Variants in THADA observed in about 807,000 individuals in gnomAD.
THADA encodes THADA armadillo repeat containing, also known as tRNA (32-2'-O)-methyltransferase regulator THADA.
A neutral mutation model predicts 219.8 loss-of-function variants in THADA; 213 were observed. That is an observed-to-expected ratio of 0.97 (90% CI 0.87 to 1.09). THADA has a LOEUF of 1.09. Ranked by LOEUF, THADA falls within the 50% of genes least tolerant of loss-of-function variation. THADA has a pLI of 0.00. For missense variants in THADA, 2,956 were observed against 2,311.3 expected, an observed-to-expected ratio of 1.28 and a Z score of -5.72; for synonymous variants, 1,018 against 828.9, an observed-to-expected ratio of 1.23 and a Z score of -3.92.
intron 36 of THADA, among the ~76,000 whole-genome samples, chr2:43,278,927 CA>C (rs930564806): frequency 2.0e-5 from 3 of 152,222 alleles, no homozygotes; most frequent in Non-Finnish European, 4.4e-5. Flanking sequence ...TGCCTCAAAA[CA>C]GTGTTCTTGC....
chr2:43,274,562 C>T (rs1052200319), intron 36 of THADA, among the ~76,000 whole-genome samples: 7 of 152,100 alleles, frequency 4.6e-5, no homozygotes, highest in African/African-American at 1.7e-4. Context: ...ATAGCAAAGG[C>T]TCTGTGATGA....
intron 15 of THADA, chr2:43,565,270 T>C (rs1055468165): frequency 2.0e-5 from 3 of 151,998 alleles, no homozygotes; most frequent in African/African-American, 7.3e-5. Context: ...AAACCCCGTC[T>C]CTACTAAAAA....
Position 43,485,311 on chromosome 2 carries a change from G to A in THADA, c.3759C>T (p.Ser1253=), listed in dbSNP as rs776203996. 6.1e-5 allele frequency: 98 copies of A among 1,612,554 alleles called. No individual in the cohort carries two copies. Among genetic ancestry groups the A allele is most frequent in the Middle Eastern group, 4.9e-4 (3 of 6,074 alleles). ...TSPVWAVRNS[S]TLLFSALITR... ...TGATCAAGGCACTAAAGAGAAGTGT[G>A]GATGAATTTCGCACCTAATGTACAA... Residue 1253 remains serine (S), a synonymous_variant, in exon 26 of 38, where the codon TCC becomes TCT. Transcript: ENST00000405975.
intron 22 of THADA, among the ~76,000 whole-genome samples, chr2:43,512,973 C>G (rs547577550): frequency 2.0e-4 from 30 of 152,306 alleles, no homozygotes; most frequent in African/African-American, 6.0e-4. Context: ...TCCCAACTAA[C>G]AGATGAGAGG....
chr2:43,524,580 T>C (rs534469849), intron 22 of THADA, among the ~76,000 whole-genome samples: 12 of 152,078 alleles, frequency 7.9e-5, no homozygotes, highest in African/African-American at 7.2e-5. Flanking sequence ...TAAAACGCTC[T>C]CAAAAGGGCT....
At chr2:43,478,409 T>C (rs1177551237) in intron 26 of THADA, among the ~76,000 whole-genome samples, 9 of 152,156 alleles carry the variant, frequency 5.9e-5, no homozygotes, top group Admixed American at 3.9e-4. Context: ...GCTCTACAGG[T>C]ATTGAAGGGG....
chr2:43,582,569 CTT>C (rs755116429), intron 7 of THADA, among the ~76,000 whole-genome samples: 5 of 119,348 alleles, frequency 4.2e-5, no homozygotes, highest in Admixed American at 1.7e-4. Context: ...CCCTCCCTGG[CTT>C]TTTTTTTTTT....
At chr2:43,539,942 G>A (rs796252336) in intron 21 of THADA, among the ~76,000 whole-genome samples, 38 of 152,180 alleles carry the variant, frequency 2.5e-4, no homozygotes, top group African/African-American at 8.7e-4. Context: ...AAGCTTTCAC[G>A]TCTTAGTTAC....
At position 43,256,628 on chromosome 2, in the gene THADA, A is replaced by G. The variant is rs1404556946; in HGVS notation, c.5296+23137T>C. ...AAATAAATAATTTTTTTTTTTTGGT[A>G]GAGACAGAGTATGTTATGTTGCCCA... On this transcript the variant is annotated intron_variant, in intron 36 of 37. Coordinates refer to ENST00000405975, the MANE Select transcript of THADA (RefSeq NM_022065.5). Among the ~76,000 whole-genome samples, 4 of 149,278 alleles carry G rather than the reference A, an allele frequency of 2.7e-5. No homozygotes were observed. In the East Asian group the frequency reaches 7.8e-4, roughly 29 times the overall value.
In THADA at chr2:43,552,321, T is replaced by C; in HGVS notation, c.2693A>G (p.Glu898Gly). Residue 898 changes from glutamate (E) to glycine (G), a missense_variant, in exon 18 of 38, where the codon GAA (glutamate) becomes GGA (glycine). By Grantham distance (98) the Glu-to-Gly change is moderately conservative (BLOSUM62 -2). Coordinates refer to ENST00000405975, the MANE Select transcript of THADA (RefSeq NM_022065.5). ...NTLMVIKCLMENLEEEVSQAE... is the reference protein window; with the variant it reads ...NTLMVIKCLMGNLEEEVSQAE... ...CTGAGATACTTCTTCCTCAAGATTT[T>C]CCATCAAGCATTTGATAACTAGAAA... 1.3e-6 allele frequency: 2 copies of C among 1,593,186 alleles called. No homozygotes were observed. Among genetic ancestry groups the C allele is most frequent in the Non-Finnish European group, 1.7e-6 (2 of 1,174,404 alleles).
rs1316470824 is a variant in THADA, at chr2:43,231,254, GA to G, written c.5555del (p.Phe1852SerfsTer45). 2 of 1,612,700 alleles carry G rather than the reference GA, an allele frequency of 1.2e-6. No individual in the cohort carries two copies. Among genetic ancestry groups the G allele is most frequent in the African/African-American group, 2.7e-5 (2 of 74,844 alleles). On this transcript the variant is annotated frameshift_variant, in exon 38 of 38. Transcript: ENST00000405975. LOFTEE classifies it low-confidence loss of function (END_TRUNC). The stretch of plus-strand genomic sequence containing the variant: ...GCCAGCCGGACTTTGAGAGGAGACA[GA>G]AGAGGTGCTTGCAGAGGTATTTCAC... ...IFVKYLCKHL[F>X]CLLSKSGWRP...
intron 31 of THADA, among the ~76,000 whole-genome samples, chr2:43,301,223 G>A (rs568338302): frequency 4.7e-4 from 71 of 152,330 alleles, no homozygotes; most frequent in African/African-American, 1.7e-3. Flanking sequence ...CGCAGAGCAC[G>A]TATGATTCCA....
At chr2:43,586,795 A>G (rs1701072526) in intron 5 of THADA, 59 bp downstream of exon 5, 1 of 1,610,812 alleles carries the variant, frequency 6.2e-7, no homozygotes, top group South Asian at 1.1e-5. Context: ...TGTCATTTAA[A>G]AACTATGATG....
intron 28 of THADA, among the ~76,000 whole-genome samples, chr2:43,422,367 C>T (rs1677821155): frequency 6.6e-6 from 1 of 152,128 alleles, no homozygotes; most frequent in Non-Finnish European, 1.5e-5. Context: ...GTTTGGTTTC[C>T]TCCTCATCTT....
At chr2:43,377,660 T>C (rs1243471816) in intron 29 of THADA, among the ~76,000 whole-genome samples, 1 of 152,180 alleles carries the variant, frequency 6.6e-6, no homozygotes, top group Non-Finnish European at 1.5e-5. Flanking sequence ...TTGTTCCTTA[T>C]GAGCAATCAA....
chr2:43,512,492 T>A (rs1558883631), intron 22 of THADA, among the ~76,000 whole-genome samples: 2 of 152,196 alleles, frequency 1.3e-5, no homozygotes, highest in African/African-American at 4.8e-5. Flanking sequence ...AGTTTTTTGT[T>A]TGTTTGTTTT....
intron 36 of THADA, among the ~76,000 whole-genome samples, chr2:43,256,854 T>C (rs1291105629): frequency 1.3e-5 from 2 of 152,112 alleles, no homozygotes; most frequent in South Asian, 2.1e-4. Flanking sequence ...GCTGGGATTA[T>C]AGGTGCGAGC....
rs1483618309 is a variant in THADA at position 43,372,962 on chromosome 2, A to AT, written c.4227+25008dup. Among the ~76,000 whole-genome samples the AT allele has an allele frequency of 2.0e-5, 3 of 152,220 alleles. No individual in the cohort carries two copies. The East Asian group carries it at 5.8e-4, about 29-fold the overall frequency. ...CAAGTGATCTGCCCAAAGTGCAGGGATTACAGGCATGAGCCACCACGCCCA... is the reference window on the plus strand; with the variant it reads ...CAAGTGATCTGCCCAAAGTGCAGGGATTTACAGGCATGAGCCACCACGCCCA... On this transcript the variant is annotated intron_variant, in intron 29 of 37. Transcript: ENST00000405975.
At chr2:43,444,380 C>A (rs766700008) in intron 26 of THADA, among the ~76,000 whole-genome samples, 1 of 152,202 alleles carries the variant, frequency 6.6e-6, no homozygotes, top group Non-Finnish European at 1.5e-5. Flanking sequence ...ACACCAAGAA[C>A]AACTTACTCC....
Sources: gnomAD v4.1 joint callset for allele counts (sites outside exome capture counted in the v4.1 genomes callset) on GRCh38, gnomAD v4.1.1 for gene constraint, MANE v1.5 for transcripts, NCBI Gene and HGNC (gene_info 2026-07-23, HGNC 2026-07-21) for gene names.